CHKA: variants seen among roughly 807,000 people sequenced by gnomAD.
CHKA encodes the protein CHETK-alpha.
CHKA carries 34 observed loss-of-function variants against 60.1 expected under a neutral mutation model. The ratio of observed to expected loss-of-function variants is 0.57; its 90% CI spans 0.43 to 0.75. CHKA has a LOEUF of 0.75. Ranked by LOEUF, CHKA falls within the 30% of genes least tolerant of loss-of-function variation. The pLI is 0.00. For missense variants in CHKA, 563 were observed against 561.3 expected, an observed-to-expected ratio of 1.00 and a Z score of -0.03; for synonymous variants, 217 against 223.1, an observed-to-expected ratio of 0.97 and a Z score of 0.24.
At chr11:68,100,115 T>C (rs1379666909) in intron 1 of CHKA, among the ~76,000 whole-genome samples, 1 of 151,928 alleles carries the variant, frequency 6.6e-6, no homozygotes, top group Non-Finnish European at 1.5e-5. Flanking sequence ...CCAGGAACAA[T>C]AAAATGTGGT....
At chr11:68,092,127 A>G (rs184037524) in intron 2 of CHKA, among the ~76,000 whole-genome samples, 2 of 152,316 alleles carry the variant, frequency 1.3e-5, no homozygotes, top group African/African-American at 4.8e-5. Flanking sequence ...GGATATGTGT[A>G]TGCTTTCCCA....
At chr11:68,113,244 C>T (rs1053410329) in intron 1 of CHKA, among the ~76,000 whole-genome samples, 10 of 151,618 alleles carry the variant, frequency 6.6e-5, no homozygotes, top group Non-Finnish European at 7.4e-5. Flanking sequence ...ATACCCACTA[C>T]ACTCAAGCCT....
chr11:68,072,427 G>C (rs1003588629), intron 4 of CHKA, among the ~76,000 whole-genome samples: 3 of 151,802 alleles, frequency 2.0e-5, no homozygotes, highest in Admixed American at 6.6e-5. Flanking sequence ...CGTGCCTGTA[G>C]TCCCAGCTAC....
At chr11:68,102,432 G>A (rs1486144607) in intron 1 of CHKA, among the ~76,000 whole-genome samples, 1 of 152,162 alleles carries the variant, frequency 6.6e-6, no homozygotes, top group Admixed American at 6.6e-5. Flanking sequence ...TTCAACAAGT[G>A]TCAAGAACAC....
chr11:68,099,912 A>G (rs1043323010), intron 1 of CHKA, among the ~76,000 whole-genome samples: 2 of 152,208 alleles, frequency 1.3e-5, no homozygotes, highest in African/African-American at 4.8e-5. Flanking sequence ...CAAGCTCACA[A>G]CCTGGAAACC....
chr11:68,059,002 T>C (rs1389053041), intron 11 of CHKA, among the ~76,000 whole-genome samples: 3 of 152,194 alleles, frequency 2.0e-5, no homozygotes, highest in Non-Finnish European at 4.4e-5. Context: ...GTTCAAGCGA[T>C]TCTCCTGCCT....
intron 1 of CHKA, among the ~76,000 whole-genome samples, chr11:68,116,345 G>A (rs555044870): frequency 4.6e-5 from 7 of 152,102 alleles, no homozygotes; most frequent in East Asian, 1.9e-4. Flanking sequence ...GGAGGCAGGC[G>A]GATCACCTGA....
intron 1 of CHKA, among the ~76,000 whole-genome samples, chr11:68,120,602 G>C (rs1209727673): frequency 1.3e-5 from 2 of 152,218 alleles, no homozygotes; most frequent in Non-Finnish European, 2.9e-5. Flanking sequence ...ACAAAAGCCT[G>C]TTTGTGGACG....
At chr11:68,056,689 C>G (rs1856027907) in intron 11 of CHKA, among the ~76,000 whole-genome samples, 1 of 152,122 alleles carries the variant, frequency 6.6e-6, no homozygotes, top group Admixed American at 6.6e-5. Context: ...GACCTCACCC[C>G]ACCTATTTAT....
intron 1 of CHKA, among the ~76,000 whole-genome samples, chr11:68,106,175 C>G (rs1376919074): frequency 6.6e-6 from 1 of 152,180 alleles, no homozygotes; most frequent in African/African-American, 2.4e-5. Context: ...AGTAAAACAT[C>G]AGCACCTCTA....
chr11:68,102,063 G>T (rs1857747603), intron 1 of CHKA, among the ~76,000 whole-genome samples: 1 of 149,802 alleles, frequency 6.7e-6, no homozygotes, highest in South Asian at 2.1e-4. Flanking sequence ...TCACGCCACT[G>T]CACTCCAGCC....
Position 68,103,212 on chromosome 11 carries a change from G to A in CHKA, c.351-6082C>T, listed in dbSNP as rs1857791715. ...CAAATAAATGGCCAGAAAGCCACAT[G>A]TGGTAGGTAGCACGTGCCTGCAGTC... On this transcript the variant is annotated intron_variant, in intron 1 of 11. Transcript: ENST00000265689. Among the ~76,000 whole-genome samples the A allele has an allele frequency of 2.6e-5, 4 of 152,200 alleles. No homozygotes were observed. The South Asian group carries it at 8.3e-4, about 32-fold the overall frequency.
chr11:68,102,517 G>A (rs1436228543), intron 1 of CHKA, among the ~76,000 whole-genome samples: 1 of 152,180 alleles, frequency 6.6e-6, no homozygotes, highest in Non-Finnish European at 1.5e-5. Context: ...AATGAAATTA[G>A]ATCCTTATCT....
At chr11:68,077,593 T>C (rs758847888) in intron 3 of CHKA, among the ~76,000 whole-genome samples, 4 of 152,232 alleles carry the variant, frequency 2.6e-5, no homozygotes, top group Non-Finnish European at 5.9e-5. Flanking sequence ...ATGTCTACTA[T>C]GTCCTGGCAC....
intron 2 of CHKA, among the ~76,000 whole-genome samples, chr11:68,085,421 A>G (rs1857148406): frequency 6.6e-6 from 1 of 151,488 alleles, no homozygotes; most frequent in Non-Finnish European, 1.5e-5. Flanking sequence ...AGATCTCACT[A>G]TGTTACCCAG....
At chr11:68,081,322 G>GC in intron 3 of CHKA, 82 bp downstream of exon 3, 1 of 1,080,268 alleles carries the variant, frequency 9.3e-7, no homozygotes, top group South Asian at 1.3e-5. Context: ...TAGATAAGAG[G>GC]CACTGCCAAG....
chr11:68,084,041 T>C (rs1857074993), intron 2 of CHKA, among the ~76,000 whole-genome samples: 1 of 151,770 alleles, frequency 6.6e-6, no homozygotes, highest in African/African-American at 2.4e-5. Context: ...GGTCAGGAGC[T>C]TGAGATCAGC....
intron 1 of CHKA, among the ~76,000 whole-genome samples, chr11:68,117,764 T>C (rs946340282): frequency 6.6e-6 from 1 of 152,148 alleles, no homozygotes; most frequent in Non-Finnish European, 1.5e-5. Flanking sequence ...TATTTTCCAA[T>C]ATTTGAGAAA....
chr11:68,055,140 C>T (rs550041971), intron 11 of CHKA, among the ~76,000 whole-genome samples: 133 of 152,208 alleles, frequency 8.7e-4, no homozygotes, highest in Non-Finnish European at 5.1e-4. Flanking sequence ...CACCTGTAAT[C>T]CCAACACTTT....
Sources: allele counts gnomAD v4.1 joint callset (sites outside exome capture counted in the v4.1 genomes callset), GRCh38; gene constraint gnomAD v4.1.1; transcripts MANE v1.5; gene names NCBI Gene and HGNC (gene_info 2026-07-23, HGNC 2026-07-21).